The following RCN2 variants were observed in gnomAD, a reference collection of about 807,000 sequenced individuals.
The protein encoded by RCN2 is reticulocalbin 2.
RCN2 carries 23 observed loss-of-function variants against 37.5 expected under a neutral mutation model. That is an observed-to-expected ratio of 0.61 (90% CI 0.44 to 0.87). The LOEUF (loss-of-function observed/expected upper bound fraction) is 0.87, where lower values mean the gene tolerates loss of function less well. Ranked by LOEUF, RCN2 falls within the 40% of genes least tolerant of loss-of-function variation. RCN2 has a pLI of 0.00. For missense variants in RCN2, 381 were observed against 390.4 expected, an observed-to-expected ratio of 0.98 and a Z score of 0.20; for synonymous variants, 140 against 144.6, an observed-to-expected ratio of 0.97 and a Z score of 0.23.
At position 76,948,453 on chromosome 15, in the gene RCN2, A is replaced by G. The variant is rs140517552; in HGVS notation, c.702A>G (p.Arg234=). 392 of 1,610,158 alleles carry G rather than the reference A, an allele frequency of 2.4e-4. No homozygotes were observed. Among genetic ancestry groups the G allele is most frequent in the Middle Eastern group, 5.0e-4 (3 of 6,048 alleles). Reference sequence around the variant, plus strand: ...AATGGATACTTGTTGAGAAAGACAGATTCGTGAATGATTATGACAAAGATA... The same window carrying G: ...AATGGATACTTGTTGAGAAAGACAGGTTCGTGAATGATTATGACAAAGATA... ...DPEWILVEKD[R]FVNDYDKDND... The change falls in exon 6 of 7, where the codon AGA becomes AGG. Residue 234 remains arginine, a synonymous_variant. Transcript: ENST00000394885.
At chr15:76,936,609 C>G (rs2075250350) in intron 3 of RCN2, among the ~76,000 whole-genome samples, 1 of 152,176 alleles carries the variant, frequency 6.6e-6, no homozygotes, top group Non-Finnish European at 1.5e-5. Flanking sequence ...GGCCCAGTTC[C>G]TAACAGGCCA....
At chr15:76,941,856 AC>A (rs2075277783) in intron 3 of RCN2, 1 of 433,398 alleles carries the variant, frequency 2.3e-6, no homozygotes, top group African/African-American at 2.0e-5. Context: ...TGAAACATGG[AC>A]CTTTTTGCTC....
At chr15:76,941,186 A>G (rs2075275362) in intron 3 of RCN2, among the ~76,000 whole-genome samples, 1 of 151,968 alleles carries the variant, frequency 6.6e-6, no homozygotes, top group South Asian at 2.1e-4. Flanking sequence ...GGCGTGTGCC[A>G]CTATGCCCAG....
At chr15:76,948,143 A>G (rs892573461) in intron 5 of RCN2, 2 of 270,488 alleles carry the variant, frequency 7.4e-6, no homozygotes, top group African/African-American at 2.2e-5. Flanking sequence ...GGAAAACTAG[A>G]TATCGGAACA....
chr15:76,937,098 A>G (rs2075253998), intron 3 of RCN2, among the ~76,000 whole-genome samples: 1 of 152,242 alleles, frequency 6.6e-6, no homozygotes, highest in African/African-American at 2.4e-5. Flanking sequence ...ATTTTGTAGC[A>G]TGCATCAGAA....
At chr15:76,934,867 G>C (rs539031411) in intron 2 of RCN2, among the ~76,000 whole-genome samples, 11 of 152,202 alleles carry the variant, frequency 7.2e-5, no homozygotes, top group Non-Finnish European at 1.6e-4. Flanking sequence ...CAAGATTTTG[G>C]ATAACATTTT....
chr15:76,933,466 T>A (rs954854778), intron 2 of RCN2, among the ~76,000 whole-genome samples: 2 of 152,206 alleles, frequency 1.3e-5, no homozygotes. Context: ...TTATCCAATC[T>A]AAGAATAAGT....
At position 76,949,156 on chromosome 15, in the gene RCN2, C is replaced by T; in HGVS notation, c.888C>T (p.Leu296=). Residue 296 remains leucine, a synonymous_variant, in exon 7 of 7, where the codon CTC becomes CTT. Transcript: ENST00000394885. ...EEILENPDLF[L]TSEATDYGRQ... is the part of the protein sequence containing the mutation. ...TTCTGGAAAACCCGGACTTGTTTCT[C>T]ACCAGTGAAGCCACAGATTATGGCA... 10 of 1,613,308 alleles carry T rather than the reference C, an allele frequency of 6.2e-6. No homozygotes were observed. The highest frequency in any genetic ancestry group is 8.5e-6 in the Non-Finnish European group (10 of 1,179,590).
At chr15:76,937,993 C>A (rs2075260119) in intron 3 of RCN2, among the ~76,000 whole-genome samples, 1 of 152,006 alleles carries the variant, frequency 6.6e-6, no homozygotes, top group Non-Finnish European at 1.5e-5. Context: ...ATTATACATA[C>A]TTACAGAGTA....
chr15:76,936,929 A>G (rs1444824366), intron 3 of RCN2, among the ~76,000 whole-genome samples: 1 of 152,150 alleles, frequency 6.6e-6, no homozygotes, highest in Non-Finnish European at 1.5e-5. Flanking sequence ...CCATTAAACA[A>G]TAACTCCCCA....
intron 4 of RCN2, among the ~76,000 whole-genome samples, chr15:76,947,071 GA>G (rs2075299442): frequency 6.6e-6 from 1 of 152,230 alleles, no homozygotes; most frequent in Admixed American, 6.5e-5. Context: ...CTTTTCTTGA[GA>G]GGGAGAGATG....
In RCN2 at chr15:76,943,769, G is replaced by C; in HGVS notation, c.459G>C (p.Lys153Asn). The change falls in exon 4 of 7, where the codon AAG (lysine) becomes AAC (asparagine). Residue 153 changes from lysine (K) to asparagine (N), a missense_variant. Lys to Asn is a moderately conservative substitution (Grantham distance 94). Transcript: ENST00000394885. Reference sequence around the variant, plus strand: ...TTTAATTTTCAAAGCTTCACTTAAAGGACAAGAAGCGATTTGAAAAAGCTA... The same window carrying C: ...TTTAATTTTCAAAGCTTCACTTAAACGACAAGAAGCGATTTGAAAAAGCTA... ...EEESFRKLHL[K>N]DKKRFEKANQ... 1 of 1,596,160 alleles carries C rather than the reference G, an allele frequency of 6.3e-7. No individual in the cohort carries two copies.
rs1229570010 is a variant in RCN2, at chr15:76,949,897, C to T, written c.*675C>T. ...TTTTGAGTGATTAAAAATGAAATGT[C>T]CTTTGTATATGTTTGTTTGCTTTTC... On this transcript the variant is annotated 3_prime_UTR_variant, in exon 7 of 7. Coordinates refer to ENST00000394885, the MANE Select transcript of RCN2 (RefSeq NM_002902.3). The T allele has an allele frequency of 6.6e-6, 1 of 150,568 alleles. No individual in the cohort carries two copies. The highest frequency in any genetic ancestry group is 1.5e-5 in the Non-Finnish European group (1 of 67,686). 9.3% of individuals were successfully genotyped at this position (150,568 alleles called of 1,614,324 possible). A position where few individuals can be genotyped will look rare whatever the true frequency, so the allele number is the denominator to read the frequency against.
rs1426121722 is a variant in RCN2 at position 76,932,550 on chromosome 15, G to C, written c.250+84G>C. ...TGTCTGCTGAATGTATAGATTGCTA[G>C]TGTCCCAAGTTGGAAGTCCTGTGAG... On this transcript the variant is annotated intron_variant, in intron 2 of 6. Coordinates refer to ENST00000394885, the MANE Select transcript of RCN2 (RefSeq NM_002902.3). 4 of 926,132 alleles carry C rather than the reference G, an allele frequency of 4.3e-6. No homozygotes were observed. In the East Asian group the frequency reaches 1.0e-4, roughly 24 times the overall value. The allele number at this position is 926,132 out of a possible 1,614,324, so 57.4% of individuals were successfully genotyped here.
chr15:76,932,126 C>T (rs1596000900), intron 1 of RCN2, 141 bp downstream of exon 1: 2 of 875,584 alleles, frequency 2.3e-6, no homozygotes, highest in East Asian at 6.2e-5. Flanking sequence ...GCGGCACTCG[C>T]TCTCTGGGGG....
intron 3 of RCN2, chr15:76,942,761 G>C (rs2075281021): frequency 6.6e-6 from 1 of 152,204 alleles, no homozygotes; most frequent in South Asian, 2.1e-4. Context: ...GGGCAACATA[G>C]TGAAACCCCA....
chr15:76,953,594 T>TATATATGTA lies in RCN2; in HGVS notation c.*4372_*4373insATATATGTA, dbSNP rs1212518050. On this transcript the variant is annotated 3_prime_UTR_variant, in exon 7 of 7. Coordinates refer to ENST00000394885, the MANE Select transcript of RCN2 (RefSeq NM_002902.3). The stretch of plus-strand genomic sequence containing the variant: ...ATATATATATATATATATATATATA[T>TATATATGTA]TTTTTTTTTTTTTTTTTTTTTTTTT... 1.2e-4 allele frequency: 1 copy of TATATATGTA among 8,494 alleles called. No individual in the cohort carries two copies. The highest frequency in any genetic ancestry group is 2.3e-4 in the Non-Finnish European group (1 of 4,392). 0.5% of individuals were successfully genotyped at this position (8,494 alleles called of 1,614,324 possible). A position where few individuals can be genotyped will look rare whatever the true frequency, so the allele number is the denominator to read the frequency against.
chr15:76,944,232 C>T (rs1396662811), intron 4 of RCN2, among the ~76,000 whole-genome samples: 1 of 151,886 alleles, frequency 6.6e-6, no homozygotes, highest in African/African-American at 2.4e-5. Context: ...CCGCCCGCCT[C>T]GGCTTGCCAA....
chr15:76,947,482 T>C lies in RCN2; in HGVS notation c.623T>C (p.Leu208Ser). The change falls in exon 5 of 7, where the codon TTG becomes TCG. Residue 208 changes from leucine to serine, a missense_variant. Coordinates refer to ENST00000394885, the MANE Select transcript of RCN2 (RefSeq NM_002902.3). ...AAAAATGGTGATGGATTTGTTAGTT[T>C]GGAAGAATTTCTTGGTGATTACAGG... ...HDKNGDGFVS[L>S]EEFLGDYRWD... 1 of 1,610,332 alleles carries C rather than the reference T, an allele frequency of 6.2e-7. No homozygotes were observed. Among genetic ancestry groups the C allele is most frequent in the Non-Finnish European group, 8.5e-7 (1 of 1,178,210 alleles).
Sources: allele counts gnomAD v4.1 joint callset (sites outside exome capture counted in the v4.1 genomes callset), GRCh38; gene constraint gnomAD v4.1.1; transcripts MANE v1.5; gene names NCBI Gene and HGNC (gene_info 2026-07-23, HGNC 2026-07-21).